Variants in DYM observed in about 807,000 individuals in gnomAD.
The protein encoded by DYM is dymeclin.
In DYM, 78 loss-of-function variants were observed where a neutral mutation model predicts 93.1. That is an observed-to-expected ratio of 0.84 (90% confidence interval 0.70 to 1.01). The LOEUF (loss-of-function observed/expected upper bound fraction) is 1.01. Among genes scored for constraint, DYM ranks in the 50% least tolerant of loss-of-function variants. The pLI is 0.00. For missense variants in DYM, 789 were observed against 845.0 expected (o/e 0.93, Z 0.82); for synonymous variants, 321 against 319.7 (o/e 1.00, Z -0.04).
At chr18:49,389,314 C>CTG (rs557570171) in intron 3 of DYM, among the ~76,000 whole-genome samples, 1,797 of 148,098 alleles carry the variant, frequency 0.012, 15 homozygotes, top group South Asian at 0.036. Flanking sequence ...GTGTGTGTGT[C>CTG]TGTGTGTGTG....
intron 11 of DYM, among the ~76,000 whole-genome samples, chr18:49,270,895 T>C (rs1368737431): frequency 6.6e-6 from 1 of 151,626 alleles, no homozygotes; most frequent in Non-Finnish European, 1.5e-5. Flanking sequence ...TTATAAAGAG[T>C]GAAAGCCCTG....
intron 16 of DYM, among the ~76,000 whole-genome samples, chr18:49,107,585 G>A (rs1035990732): frequency 4.6e-5 from 7 of 152,130 alleles, no homozygotes; most frequent in Non-Finnish European, 7.3e-5. Flanking sequence ...TGGGGTTTTG[G>A]TGTGGATGTC....
Position 49,218,851 on chromosome 18 carries a change from G to T in DYM, c.1461-9136C>A, listed in dbSNP as rs1489562853. Among the ~76,000 whole-genome samples, 20 of 152,066 alleles carry T rather than the reference G, an allele frequency of 1.3e-4. No individual in the cohort carries two copies. In the South Asian group the frequency reaches 4.2e-3, roughly 32 times the overall value. On this transcript the variant is annotated intron_variant, in intron 13 of 17. Coordinates refer to ENST00000675505, the MANE Select transcript of DYM (RefSeq NM_001353214.3). ...TAACATCACAATTAAAAGAACTAGAGAAGCAAGAGCAAACACATTCAAAAG... is the reference window on the plus strand; with the variant it reads ...TAACATCACAATTAAAAGAACTAGATAAGCAAGAGCAAACACATTCAAAAG...
In DYM at chr18:49,208,934, G is replaced by C. The variant is rs551152863; in HGVS notation, c.1625+617C>G. Among the ~76,000 whole-genome samples the C allele has an allele frequency of 3.9e-5, 6 of 152,176 alleles. No individual in the cohort carries two copies. The South Asian group carries it at 6.2e-4, about 16-fold the overall frequency. On this transcript the variant is annotated intron_variant, in intron 14 of 17. Coordinates refer to ENST00000675505, the MANE Select transcript of DYM (RefSeq NM_001353214.3). ...CAGGTGTTGATTTTCTCTGATATTCGAGATTGACAGCTTGTCTCTTTCTTA... is the reference window on the plus strand; with the variant it reads ...CAGGTGTTGATTTTCTCTGATATTCCAGATTGACAGCTTGTCTCTTTCTTA...
At chr18:49,311,900 C>T (rs979357837) in intron 8 of DYM, among the ~76,000 whole-genome samples, 3 of 151,172 alleles carry the variant, frequency 2.0e-5, no homozygotes, top group African/African-American at 7.3e-5. Context: ...AAAGAATTCA[C>T]ATGAGAGATG....
intron 14 of DYM, among the ~76,000 whole-genome samples, chr18:49,165,279 T>C (rs568675187): frequency 6.6e-6 from 1 of 152,258 alleles, no homozygotes; most frequent in South Asian, 2.1e-4. Flanking sequence ...GTATGTATTA[T>C]AATTATATGA....
At chr18:49,357,938 C>A (rs978200935) in intron 6 of DYM, among the ~76,000 whole-genome samples, 1 of 152,192 alleles carries the variant, frequency 6.6e-6, no homozygotes, top group African/African-American at 2.4e-5. Flanking sequence ...TTGCTTGAGC[C>A]CAGAATTCAA....
chr18:49,045,917 G>C (rs1370774788), intron 17 of DYM, among the ~76,000 whole-genome samples: 1 of 152,174 alleles, frequency 6.6e-6, no homozygotes. Flanking sequence ...ACTGTGCAGT[G>C]GCTGCTCCCA....
At chr18:49,218,532 G>A (rs1446009292) in intron 13 of DYM, among the ~76,000 whole-genome samples, 1 of 152,106 alleles carries the variant, frequency 6.6e-6, no homozygotes, top group East Asian at 1.9e-4. Flanking sequence ...AAATGTAAAA[G>A]AACAGAAATT....
chr18:49,209,580 G>A lies in DYM; in HGVS notation c.1596C>T (p.Cys532=), dbSNP rs781393897. 9 of 1,289,680 alleles carry A rather than the reference G, an allele frequency of 7.0e-6. No individual in the cohort carries two copies. In the South Asian group the frequency reaches 1.1e-4, roughly 16 times the overall value. 79.9% of individuals were successfully genotyped at this position (1,289,680 alleles called of 1,614,324 possible). Residue 532 remains cysteine (C), a synonymous_variant, in exon 14 of 18, where the codon TGC becomes TGT. Transcript: ENST00000675505. ...DNGEELLSLT[C]SHILRSYASS... is the part of the protein sequence containing the mutation. ...AAGCATAGGATCTGAGAATGTGAGA[G>A]CAAGTTAAAGACAAGAGTTCCTCTC...
intron 13 of DYM, among the ~76,000 whole-genome samples, chr18:49,213,173 G>A (rs142685329): frequency 1.5e-3 from 226 of 152,070 alleles, no homozygotes; most frequent in African/African-American, 5.3e-3. Context: ...TGTAAAAGAT[G>A]ACAAAAACCA....
At chr18:49,415,129 CCAGGCCAACA>C (rs893633850) in intron 2 of DYM, among the ~76,000 whole-genome samples, 15 of 151,826 alleles carry the variant, frequency 9.9e-5, no homozygotes, top group Admixed American at 3.9e-4. Context: ...TTGAGACCAG[CCAGGCCAACA>C]TGGCAAAACC....
intron 11 of DYM, among the ~76,000 whole-genome samples, chr18:49,267,482 A>C (rs2145416780): frequency 6.6e-6 from 1 of 152,334 alleles, no homozygotes; most frequent in South Asian, 2.1e-4. Context: ...ATCCAGAATA[A>C]AAAATTCTTA....
chr18:49,203,057 G>C (rs2092200047), intron 14 of DYM, among the ~76,000 whole-genome samples: 1 of 10,046 alleles, frequency 1.0e-4, no homozygotes, highest in African/African-American at 2.3e-4. Context: ...AGGTTGGGGG[G>C]TCAGCCCTCC....
chr18:49,185,325 G>A (rs1464001624), intron 14 of DYM, among the ~76,000 whole-genome samples: 2 of 152,166 alleles, frequency 1.3e-5, no homozygotes, highest in African/African-American at 4.8e-5. Context: ...AAAACACAAT[G>A]CTGCTAAAAA....
chr18:49,387,492 T>C (rs2068748374), intron 3 of DYM, among the ~76,000 whole-genome samples: 2 of 151,910 alleles, frequency 1.3e-5, no homozygotes, highest in Non-Finnish European at 2.9e-5. Flanking sequence ...GCCAGGCTGG[T>C]CTTGAACTCC....
intron 12 of DYM, among the ~76,000 whole-genome samples, chr18:49,257,626 A>G (rs1335551810): frequency 6.6e-6 from 1 of 152,070 alleles, no homozygotes; most frequent in African/African-American, 2.4e-5. Flanking sequence ...ACTTCAGGAC[A>G]AGAGTTCAAA....
At chr18:49,196,819 C>T (rs906874252) in intron 14 of DYM, among the ~76,000 whole-genome samples, 3 of 151,852 alleles carry the variant, frequency 2.0e-5, no homozygotes, top group Admixed American at 1.3e-4. Context: ...CTTGCTGGAT[C>T]GGGAATTAGG....
chr18:49,334,635 T>C (rs895064070), intron 6 of DYM, among the ~76,000 whole-genome samples: 10 of 152,088 alleles, frequency 6.6e-5, no homozygotes, highest in African/African-American at 2.4e-4. Flanking sequence ...AAAAGAGCAA[T>C]AGCACCAAAA....
Sources: gnomAD v4.1 joint callset for allele counts (sites outside exome capture counted in the v4.1 genomes callset) on GRCh38, gnomAD v4.1.1 for gene constraint, MANE v1.5 for transcripts, NCBI Gene and HGNC (gene_info 2026-07-23, HGNC 2026-07-21) for gene names.